Variants in TP53BP2 observed in about 807,000 individuals in gnomAD.
The protein encoded by TP53BP2 is apoptosis-stimulating of p53 protein 2.
A neutral mutation model predicts 126.2 loss-of-function variants in TP53BP2; 62 were observed. The ratio of observed to expected loss-of-function variants is 0.49; its 90% CI spans 0.40 to 0.61. TP53BP2 has a LOEUF of 0.61. Among genes scored for constraint, TP53BP2 ranks in the 20% least tolerant of loss-of-function variants. The pLI is 0.00. For synonymous variants in TP53BP2, 485 were observed against 502.9 expected, an observed-to-expected ratio of 0.96 and a Z score of 0.48; for missense variants, 1,215 against 1,402.8, an observed-to-expected ratio of 0.87 and a Z score of 2.14.
chr1:223,842,314 C>T (rs1196937557), intron 1 of TP53BP2, among the ~76,000 whole-genome samples: 10 of 152,172 alleles, frequency 6.6e-5, no homozygotes, highest in Admixed American at 6.5e-4. Flanking sequence ...ATACAGTAGC[C>T]ACCAGGCATG....
At chr1:223,789,931 A>C (rs1662092081) in intron 15 of TP53BP2, among the ~76,000 whole-genome samples, 2 of 152,152 alleles carry the variant, frequency 1.3e-5, no homozygotes, top group South Asian at 4.1e-4. Flanking sequence ...AAAGTACATA[A>C]GATTTAGTTT....
chr1:223,812,837 C>T (rs546971868), intron 3 of TP53BP2, among the ~76,000 whole-genome samples: 104 of 152,224 alleles, frequency 6.8e-4, no homozygotes, highest in Non-Finnish European at 1.3e-3. Context: ...GCTGGGATTA[C>T]AGGCGTGAGC....
intron 17 of TP53BP2, among the ~76,000 whole-genome samples, chr1:223,783,215 T>C (rs1661831792): frequency 6.6e-6 from 1 of 152,168 alleles, no homozygotes; most frequent in African/African-American, 2.4e-5. Context: ...CTCTGAGTTA[T>C]CCCCACACTA....
intron 12 of TP53BP2, among the ~76,000 whole-genome samples, chr1:223,797,987 C>G (rs985826199): frequency 6.6e-6 from 1 of 152,106 alleles, no homozygotes; most frequent in African/African-American, 2.4e-5. Flanking sequence ...ATAAGCCCCT[C>G]CAGACTTGAG....
intron 16 of TP53BP2, among the ~76,000 whole-genome samples, chr1:223,788,445 T>C (rs1253593764): frequency 6.6e-6 from 1 of 152,176 alleles, no homozygotes; most frequent in African/African-American, 2.4e-5. Flanking sequence ...CCAATCAACA[T>C]ATATCTATCT....
intron 2 of TP53BP2, among the ~76,000 whole-genome samples, chr1:223,818,502 CAAAAAAA>C (rs60296469): frequency 9.1e-5 from 8 of 88,192 alleles, no homozygotes; most frequent in Non-Finnish European, 2.1e-4. Flanking sequence ...GACTCCATCT[CAAAAAAA>C]AAAAAAAAGA....
At chr1:223,839,908 C>T (rs1027170170) in intron 1 of TP53BP2, among the ~76,000 whole-genome samples, 2 of 152,110 alleles carry the variant, frequency 1.3e-5, no homozygotes, top group Non-Finnish European at 2.9e-5. Flanking sequence ...CCACTGCACT[C>T]CAGCCTGGGT....
At chr1:223,837,195 A>C (rs1259289814) in intron 1 of TP53BP2, among the ~76,000 whole-genome samples, 1 of 151,292 alleles carries the variant, frequency 6.6e-6, no homozygotes, top group Non-Finnish European at 1.5e-5. Flanking sequence ...AGGTTGAAGC[A>C]TCAGAAGCTT....
At position 223,845,742 on chromosome 1, in the gene TP53BP2, C is replaced by CG; in HGVS notation, c.-63dup. 6.9e-7 allele frequency: 1 copy of CG among 1,454,224 alleles called. No homozygotes were observed. The highest frequency in any genetic ancestry group is 9.1e-7 in the Non-Finnish European group (1 of 1,101,886). The allele number at this position is 1,454,224 out of a possible 1,614,324, so 90.1% of individuals were successfully genotyped here. ...GAGGTGCCCCGGAGGGTCGCGGATG[C>CG]GGGGGAGGGGAGCGGAGAGCGAGGC... is the stretch of plus-strand genomic sequence containing the variant. On this transcript the variant is annotated 5_prime_UTR_variant, in exon 1 of 18. Coordinates refer to ENST00000343537, the MANE Select transcript of TP53BP2 (RefSeq NM_001031685.3).
At chr1:223,831,474 AAAAAAAATATATATATAT>A (rs1369310271) in intron 1 of TP53BP2, among the ~76,000 whole-genome samples, 3 of 72,210 alleles carry the variant, frequency 4.2e-5, no homozygotes, top group African/African-American at 9.1e-5. Flanking sequence ...TCTAAAAAAA[AAAAAAAATATATATATAT>A]ATATATATAT....
chr1:223,824,222 T>A (rs1663413212), intron 1 of TP53BP2, among the ~76,000 whole-genome samples: 2 of 152,244 alleles, frequency 1.3e-5, no homozygotes, highest in African/African-American at 4.8e-5. Flanking sequence ...ACCCACACTT[T>A]AACAGAGATC....
chr1:223,827,719 T>C (rs1268249210), intron 1 of TP53BP2, among the ~76,000 whole-genome samples: 1 of 152,192 alleles, frequency 6.6e-6, no homozygotes, highest in Non-Finnish European at 1.5e-5. Flanking sequence ...TAGATATAAG[T>C]ATATCCTCAA....
intron 2 of TP53BP2, 63 bp downstream of exon 2, chr1:223,821,157 T>A (rs1663291552): frequency 6.2e-7 from 1 of 1,606,262 alleles, no homozygotes; most frequent in Non-Finnish European, 8.5e-7. Context: ...CAGTGCCACG[T>A]CTACAAACCA....
chr1:223,829,189 C>G (rs1663609880), intron 1 of TP53BP2, among the ~76,000 whole-genome samples: 1 of 152,004 alleles, frequency 6.6e-6, no homozygotes, highest in Non-Finnish European at 1.5e-5. Context: ...AAAAAATTAG[C>G]CAAGCATGGT....
chr1:223,839,878 T>A (rs1664051912), intron 1 of TP53BP2, among the ~76,000 whole-genome samples: 1 of 152,114 alleles, frequency 6.6e-6, no homozygotes, highest in Non-Finnish European at 1.5e-5. Flanking sequence ...GAGGTTGCAG[T>A]GAGCTGAGAT....
chr1:223,808,950 A>C (rs1662818401), intron 4 of TP53BP2, among the ~76,000 whole-genome samples: 1 of 152,206 alleles, frequency 6.6e-6, no homozygotes, highest in East Asian at 1.9e-4. Context: ...GCTAAAATTA[A>C]AAAGACTGAC....
At chr1:223,837,532 T>G (rs527436897) in intron 1 of TP53BP2, among the ~76,000 whole-genome samples, 17 of 152,170 alleles carry the variant, frequency 1.1e-4, no homozygotes, top group South Asian at 8.3e-4. Context: ...TGAGGGTCAC[T>G]AAAACAATTT....
chr1:223,797,010 T>G (rs913625146), intron 12 of TP53BP2, among the ~76,000 whole-genome samples: 2 of 152,250 alleles, frequency 1.3e-5, no homozygotes, highest in African/African-American at 4.8e-5. Context: ...AGAACTTCTA[T>G]TTGGCTTATA....
At chr1:223,788,659 C>G (rs1304464643) in intron 16 of TP53BP2, among the ~76,000 whole-genome samples, 1 of 152,146 alleles carries the variant, frequency 6.6e-6, no homozygotes, top group Non-Finnish European at 1.5e-5. Flanking sequence ...TTCTCTTGAT[C>G]ATGTTGTTAG....
Sources: allele counts gnomAD v4.1 joint callset (sites outside exome capture counted in the v4.1 genomes callset), GRCh38; gene constraint gnomAD v4.1.1; transcripts MANE v1.5; gene names NCBI Gene and HGNC (gene_info 2026-07-23, HGNC 2026-07-21).